SLC6A15: variants seen among roughly 807,000 people sequenced by gnomAD.
SLC6A15 encodes solute carrier family 6 member 15.
Under a neutral mutation model 68.5 loss-of-function variants are expected in SLC6A15, and 33 were observed. The ratio of observed to expected loss-of-function variants is 0.48; its 90% CI spans 0.37 to 0.64. The LOEUF is 0.64. Ranked by LOEUF, SLC6A15 falls within the 30% of genes least tolerant of loss-of-function variation. The pLI, the probability that SLC6A15 is intolerant of heterozygous loss-of-function variation, is 0.00. For synonymous variants in SLC6A15, 347 were observed against 301.0 expected (o/e 1.15, Z -1.58); for missense variants, 747 against 874.3 (o/e 0.85, Z 1.84).
intron 9 of SLC6A15, among the ~76,000 whole-genome samples, chr12:84,868,522 T>A (rs985731532): frequency 6.6e-6 from 1 of 152,058 alleles, no homozygotes; most frequent in Non-Finnish European, 1.5e-5. Flanking sequence ...GAGGCAAATA[T>A]AAAAAAGTGC....
intron 1 of SLC6A15, among the ~76,000 whole-genome samples, chr12:84,898,972 A>G (rs1202386532): frequency 5.3e-5 from 8 of 152,204 alleles, no homozygotes; most frequent in Admixed American, 3.3e-4. Flanking sequence ...TCGGTCCTGC[A>G]CTGCAGTGAT....
intron 1 of SLC6A15, among the ~76,000 whole-genome samples, chr12:84,907,901 A>C (rs951810321): frequency 5.9e-5 from 9 of 152,204 alleles, no homozygotes; most frequent in Admixed American, 5.9e-4. Flanking sequence ...ATCTACAGAA[A>C]ATTATGCTGA....
chr12:84,864,727 A>C (rs6539871), intron 10 of SLC6A15, among the ~76,000 whole-genome samples: 2 of 151,992 alleles, frequency 1.3e-5, no homozygotes, highest in African/African-American at 4.8e-5. Context: ...CTTTAGAAAA[A>C]ATATGAACTT....
intron 2 of SLC6A15, among the ~76,000 whole-genome samples, chr12:84,887,809 A>G (rs751198682): frequency 2.0e-5 from 3 of 152,082 alleles, no homozygotes; most frequent in Non-Finnish European, 2.9e-5. Flanking sequence ...CTTTTCTTCT[A>G]TCTCAAATTC....
In SLC6A15 at chr12:84,861,551, T is replaced by C. The variant is rs1870847743; in HGVS notation, c.*81A>G. 7 of 1,476,278 alleles carry C rather than the reference T, an allele frequency of 4.7e-6. No individual in the cohort carries two copies. The highest frequency in any genetic ancestry group is 6.4e-6 in the Non-Finnish European group (7 of 1,097,330). The allele number at this position is 1,476,278 out of a possible 1,614,324, so 91.4% of individuals were successfully genotyped here. A position where few individuals can be genotyped will look rare whatever the true frequency, so the allele number is the denominator to read the frequency against. On this transcript the variant is annotated 3_prime_UTR_variant, in exon 12 of 12. Coordinates refer to ENST00000266682, the MANE Select transcript of SLC6A15 (RefSeq NM_182767.6). Reference sequence around the variant, plus strand: ...ACACCTGAGATTGCCCTCTGATAAGTGAAGCCTAATGCTTCTCCTACTAGG... The same window carrying C: ...ACACCTGAGATTGCCCTCTGATAAGCGAAGCCTAATGCTTCTCCTACTAGG...
At chr12:84,894,478 A>G (rs376505102) in intron 1 of SLC6A15, among the ~76,000 whole-genome samples, 1 of 152,102 alleles carries the variant, frequency 6.6e-6, no homozygotes, top group Non-Finnish European at 1.5e-5. Flanking sequence ...TGCTTTTTCC[A>G]TACAGACAGA....
chr12:84,911,187 G>A (rs1034059032), intron 1 of SLC6A15, among the ~76,000 whole-genome samples: 3 of 152,148 alleles, frequency 2.0e-5, no homozygotes, highest in Non-Finnish European at 4.4e-5. Context: ...TGCTGGCACA[G>A]CAGAAAAGCA....
At chr12:84,895,862 C>A (rs1328838687) in intron 1 of SLC6A15, among the ~76,000 whole-genome samples, 1 of 152,042 alleles carries the variant, frequency 6.6e-6, no homozygotes, top group Non-Finnish European at 1.5e-5. Flanking sequence ...ATTCTAAAAG[C>A]CCGCCTAAAA....
At chr12:84,867,241 G>A (rs757532922) in intron 9 of SLC6A15, 48 bp from the exon 10 acceptor site, 3 of 1,455,064 alleles carry the variant, frequency 2.1e-6, no homozygotes, top group Non-Finnish European at 2.8e-6. Flanking sequence ...TCAGAGACAA[G>A]GCCTTTAAAC....
chr12:84,871,645 T>C (rs1289846095), intron 8 of SLC6A15, among the ~76,000 whole-genome samples: 2 of 152,178 alleles, frequency 1.3e-5, no homozygotes, highest in Non-Finnish European at 2.9e-5. Flanking sequence ...TTCAAGGTTT[T>C]TATATTAATG....
intron 9 of SLC6A15, among the ~76,000 whole-genome samples, chr12:84,868,808 T>C (rs1241352734): frequency 5.3e-5 from 8 of 152,172 alleles, no homozygotes; most frequent in Admixed American, 1.3e-4. Flanking sequence ...GATTTTCCCT[T>C]TACACTGTTA....
intron 1 of SLC6A15, chr12:84,912,065 C>G (rs939551650): frequency 6.6e-6 from 1 of 152,396 alleles, no homozygotes; most frequent in Non-Finnish European, 1.5e-5. Flanking sequence ...CATCGCCCAC[C>G]TGCACGAGGT....
chr12:84,888,558 C>T (rs1196423502), intron 2 of SLC6A15, among the ~76,000 whole-genome samples: 1 of 151,910 alleles, frequency 6.6e-6, no homozygotes, highest in Non-Finnish European at 1.5e-5. Flanking sequence ...AGGAGTTAGG[C>T]TGTAAGTATG....
At chr12:84,886,106 A>G (rs376414158) in intron 2 of SLC6A15, 38 bp from the exon 3 acceptor site, 52 of 1,413,800 alleles carry the variant, frequency 3.7e-5, no homozygotes, top group Non-Finnish European at 4.6e-5. Context: ...TATATTTTCA[A>G]TACAGTAGAA....
chr12:84,896,532 G>A (rs1872645719), intron 1 of SLC6A15, among the ~76,000 whole-genome samples: 1 of 152,174 alleles, frequency 6.6e-6, no homozygotes, highest in Non-Finnish European at 1.5e-5. Context: ...CTCTTTCAGA[G>A]AATAAATCTA....
In SLC6A15 at chr12:84,868,367, A is replaced by G. The variant is rs144956388; in HGVS notation, c.1496-1174T>C. ...AGTTGAACAATGTATTACTTTGTTT[A>G]CAGATGAGAGAAATGATCCTGAAGA... is the stretch of plus-strand genomic sequence containing the variant. On this transcript the variant is annotated intron_variant, in intron 9 of 11. Coordinates refer to ENST00000266682, the MANE Select transcript of SLC6A15 (RefSeq NM_182767.6). Among the ~76,000 whole-genome samples the G allele has an allele frequency of 1.3e-4, 20 of 152,338 alleles. No individual in the cohort carries two copies. In the East Asian group the frequency reaches 3.7e-3, roughly 28 times the overall value.
intron 2 of SLC6A15, among the ~76,000 whole-genome samples, chr12:84,889,430 C>T (rs370177051): frequency 6.7e-6 from 1 of 149,820 alleles, no homozygotes; most frequent in Non-Finnish European, 1.5e-5. Flanking sequence ...GCGGAGCTTG[C>T]AGTGAGCAGA....
chr12:84,863,745 T>TGAC, intron 10 of SLC6A15, 144 bp from the exon 11 acceptor site: 1 of 518,446 alleles, frequency 1.9e-6, no homozygotes, highest in Non-Finnish European at 3.0e-6. Context: ...TCTTGGAAGA[T>TGAC]GACTATAAAG....
intron 9 of SLC6A15, among the ~76,000 whole-genome samples, chr12:84,869,027 G>A (rs12300115): frequency 0.35 from 53,589 of 152,090 alleles, 13,351 homozygotes; most frequent in African/African-American, 0.7. Flanking sequence ...AATATTAACA[G>A]ACTGCTGAAA....
Sources: gnomAD v4.1 joint callset for allele counts (sites outside exome capture counted in the v4.1 genomes callset) on GRCh38, gnomAD v4.1.1 for gene constraint, MANE v1.5 for transcripts, NCBI Gene and HGNC (gene_info 2026-07-23, HGNC 2026-07-21) for gene names.